Variants in SHROOM3 observed in about 807,000 individuals in gnomAD.
SHROOM3 encodes protein Shroom3.
Under a neutral mutation model 138.6 loss-of-function variants are expected in SHROOM3, and 47 were observed. The ratio of observed to expected loss-of-function variants is 0.34; its 90% CI spans 0.27 to 0.43. SHROOM3 has a LOEUF of 0.43. SHROOM3 is among the 20% of genes least tolerant of loss of function. The probability of loss-of-function intolerance (pLI) is 1.00; values close to 1 mark genes in which losing one functional copy is unlikely to be tolerated. For missense variants in SHROOM3, 2,491 were observed against 2,596.5 expected (o/e 0.96, Z 0.88); for synonymous variants, 1,062 against 1,063.3 (o/e 1.00, Z 0.02).
chr4:76,642,382 G>T (rs565254927), intron 2 of SHROOM3, among the ~76,000 whole-genome samples: 22 of 152,186 alleles, frequency 1.4e-4, no homozygotes, highest in Non-Finnish European at 2.5e-4. Flanking sequence ...CAGGATTTGA[G>T]GTGTTCAAGG....
intron 2 of SHROOM3, among the ~76,000 whole-genome samples, chr4:76,689,215 G>A (rs1380700182): frequency 6.6e-6 from 1 of 152,088 alleles, no homozygotes; most frequent in Non-Finnish European, 1.5e-5. Flanking sequence ...GGACCGCGGA[G>A]GGGCGAGTGG....
In SHROOM3 at chr4:76,783,118, C is replaced by T. The variant is rs1355436934; in HGVS notation, c.*3941C>T. 1.3e-5 allele frequency: 2 copies of T among 152,224 alleles called. No homozygotes were observed. The highest frequency in any genetic ancestry group is 6.5e-5 in the Admixed American group (1 of 15,274). 9.4% of individuals were successfully genotyped at this position (152,224 alleles called of 1,614,324 possible). ...TATTTTAACATTTGAGAGCCACTAC[C>T]AATCATCTGTACAGTTCCTACTGTT... On this transcript the variant is annotated 3_prime_UTR_variant, in exon 11 of 11. Transcript: ENST00000296043.
At chr4:76,763,627 A>T (rs1042967922) in intron 9 of SHROOM3, among the ~76,000 whole-genome samples, 1 of 152,116 alleles carries the variant, frequency 6.6e-6, no homozygotes, top group African/African-American at 2.4e-5. Flanking sequence ...ACAGTGGGAG[A>T]TGAGGCTGGA....
At chr4:76,497,367 A>G (rs1731989426) in intron 1 of SHROOM3, among the ~76,000 whole-genome samples, 1 of 152,250 alleles carries the variant, frequency 6.6e-6, no homozygotes, top group Non-Finnish European at 1.5e-5. Context: ...TTAGTGGCTT[A>G]AAACAATAAT....
At chr4:76,673,534 G>T (rs1252745646) in intron 2 of SHROOM3, among the ~76,000 whole-genome samples, 2 of 152,110 alleles carry the variant, frequency 1.3e-5, no homozygotes, top group Non-Finnish European at 2.9e-5. Flanking sequence ...AGCTTGCTGA[G>T]AGAAAAAAGC....
intron 1 of SHROOM3, chr4:76,532,178 A>G (rs1448784681): frequency 6.6e-6 from 1 of 151,348 alleles, no homozygotes; most frequent in Non-Finnish European, 1.5e-5. Flanking sequence ...TGTCCCTGCA[A>G]TAGTTTGCTG....
chr4:76,757,914 T>TA (rs1315307773), intron 8 of SHROOM3: 8 of 152,282 alleles, frequency 5.3e-5, no homozygotes, highest in Non-Finnish European at 1.2e-4. Flanking sequence ...CCAGACTAAA[T>TA]AAAAACAGAA....
intron 2 of SHROOM3, among the ~76,000 whole-genome samples, chr4:76,563,129 G>C (rs1209866430): frequency 1.3e-5 from 2 of 152,114 alleles, no homozygotes; most frequent in Non-Finnish European, 2.9e-5. Context: ...CTATAAGGAT[G>C]AAATAAGATA....
intron 2 of SHROOM3, among the ~76,000 whole-genome samples, chr4:76,674,834 C>T (rs984825352): frequency 1.3e-5 from 2 of 152,010 alleles, no homozygotes; most frequent in Non-Finnish European, 1.5e-5. Flanking sequence ...GGATTACAGG[C>T]GTGAGCCACC....
At chr4:76,684,634 C>T (rs1719286389) in intron 2 of SHROOM3, among the ~76,000 whole-genome samples, 1 of 152,146 alleles carries the variant, frequency 6.6e-6, no homozygotes, top group Non-Finnish European at 1.5e-5. Context: ...GACCCTGGGG[C>T]TATAAAGAAC....
intron 1 of SHROOM3, among the ~76,000 whole-genome samples, chr4:76,513,281 G>A (rs990971063): frequency 6.6e-6 from 1 of 152,092 alleles, no homozygotes; most frequent in African/African-American, 2.4e-5. Flanking sequence ...TGGGAGAAGG[G>A]GAAGCTGGTT....
intron 2 of SHROOM3, among the ~76,000 whole-genome samples, chr4:76,640,517 G>A (rs1209720771): frequency 6.6e-6 from 1 of 152,122 alleles, no homozygotes; most frequent in African/African-American, 2.4e-5. Flanking sequence ...CTCCTCCTTG[G>A]AAGTAATGTG....
intron 3 of SHROOM3, chr4:76,716,457 A>C (rs1467579919): frequency 1.9e-6 from 1 of 518,440 alleles, no homozygotes; most frequent in Non-Finnish European, 3.9e-6. Context: ...CTTTCATTGC[A>C]GGATCCTCCA....
chr4:76,451,334 T>A (rs759116163), intron 1 of SHROOM3, among the ~76,000 whole-genome samples: 3 of 152,188 alleles, frequency 2.0e-5, no homozygotes, highest in Non-Finnish European at 4.4e-5. Flanking sequence ...GAGTCCTAAT[T>A]ATTCAAAGAA....
Position 76,566,708 on chromosome 4 carries a change from C to A in SHROOM3, c.323+10945C>A, listed in dbSNP as rs527678008. On this transcript the variant is annotated intron_variant, in intron 2 of 10. Transcript: ENST00000296043. ...GTGGGTTACTGAGAGCAGTAGTAGGCTCTTAGACTTCATTAGGCAAAGAGA... is the reference window on the plus strand; with the variant it reads ...GTGGGTTACTGAGAGCAGTAGTAGGATCTTAGACTTCATTAGGCAAAGAGA... Among the ~76,000 whole-genome samples the A allele has an allele frequency of 3.3e-5, 5 of 152,302 alleles. No individual in the cohort carries two copies. In the South Asian group the frequency reaches 1.0e-3, roughly 32 times the overall value.
chr4:76,533,270 G>T (rs1415963074), intron 1 of SHROOM3, among the ~76,000 whole-genome samples: 1 of 151,976 alleles, frequency 6.6e-6, no homozygotes, highest in Non-Finnish European at 1.5e-5. Flanking sequence ...TTTACCTCTG[G>T]GTGCCCTGGG....
chr4:76,517,215 A>AGTCCGT (rs762362841), intron 1 of SHROOM3, among the ~76,000 whole-genome samples: 9 of 152,222 alleles, frequency 5.9e-5, no homozygotes, highest in Non-Finnish European at 1.2e-4. Context: ...GGTGAGAAAG[A>AGTCCGT]GTCCGTGTGT....
intron 1 of SHROOM3, among the ~76,000 whole-genome samples, chr4:76,454,254 C>T (rs368839621): frequency 2.0e-5 from 3 of 152,062 alleles, no homozygotes; most frequent in South Asian, 2.1e-4. Context: ...ATATTGGCCA[C>T]GCTGGTCTCG....
At chr4:76,755,987 C>T (rs1721797825) in intron 7 of SHROOM3, among the ~76,000 whole-genome samples, 1 of 152,232 alleles carries the variant, frequency 6.6e-6, no homozygotes, top group Non-Finnish European at 1.5e-5. Context: ...CCCTGTTAAC[C>T]TAGACCTTTC....
Sources: gnomAD v4.1 joint callset for allele counts (sites outside exome capture counted in the v4.1 genomes callset) on GRCh38, gnomAD v4.1.1 for gene constraint, MANE v1.5 for transcripts, NCBI Gene and HGNC (gene_info 2026-07-23, HGNC 2026-07-21) for gene names.